Variants in CKAP5 observed in about 807,000 individuals in gnomAD.
CKAP5 encodes the protein cytoskeleton associated protein 5, also known as cytoskeleton-associated protein 5.
CKAP5 carries 27 observed loss-of-function variants against 232.8 expected under a neutral mutation model. The observed-to-expected ratio is 0.12, with a 90% CI of 0.09 to 0.16. The LOEUF (loss-of-function observed/expected upper bound fraction) is 0.16, where lower values mean the gene tolerates loss of function less well. CKAP5 is among the 10% of genes least tolerant of loss of function. The pLI is 1.00. For missense variants in CKAP5, 1,838 were observed against 2,424.7 expected, an observed-to-expected ratio of 0.76 and a Z score of 5.08; for synonymous variants, 785 against 841.1, an observed-to-expected ratio of 0.93 and a Z score of 1.16.
intron 34 of CKAP5, 35 bp downstream of exon 34, chr11:46,759,234 A>T: frequency 6.3e-7 from 1 of 1,593,954 alleles, no homozygotes; most frequent in Non-Finnish European, 8.6e-7. Context: ...GATCATCATG[A>T]ACTGCTCATA....
In CKAP5 at chr11:46,780,292, G is replaced by C. The variant is rs1450817760; in HGVS notation, c.2335C>G (p.Leu779Val). 6.2e-7 allele frequency: 1 copy of C among 1,614,048 alleles called. No homozygotes were observed. Among genetic ancestry groups the C allele is most frequent in the Non-Finnish European group, 8.5e-7 (1 of 1,179,956 alleles). The change falls in exon 20 of 44, where the codon CTT becomes GTT. Residue 779 changes from leucine to valine, a missense_variant. Coordinates refer to ENST00000529230, the MANE Select transcript of CKAP5 (RefSeq NM_001008938.4). Reference protein sequence around the residue: ...PAVRTAAITLLGVMYLYVGPS... With the variant: ...PAVRTAAITLVGVMYLYVGPS... ...CCAACATACAGATACATCACGCCAA[G>C]CAGGGTTATGGCAGCAGTCCTCACA...
At chr11:46,842,735 A>AG (rs1940084961) in intron 1 of CKAP5, among the ~76,000 whole-genome samples, 1 of 152,114 alleles carries the variant, frequency 6.6e-6, no homozygotes, top group East Asian at 1.9e-4. Flanking sequence ...TGGGAGGCCG[A>AG]GGCGGGCGGA....
intron 24 of CKAP5, among the ~76,000 whole-genome samples, chr11:46,775,703 T>A (rs569992926): frequency 6.6e-6 from 1 of 152,230 alleles, no homozygotes; most frequent in East Asian, 1.9e-4. Context: ...ACCGTCATTC[T>A]CAGCAAACTA....
intron 4 of CKAP5, among the ~76,000 whole-genome samples, chr11:46,811,533 A>C (rs1939274938): frequency 6.6e-6 from 1 of 152,058 alleles, no homozygotes; most frequent in South Asian, 2.1e-4. Context: ...CTAGAGTGGT[A>C]TGGCATGATT....
At chr11:46,838,490 C>T (rs1158922547) in intron 1 of CKAP5, among the ~76,000 whole-genome samples, 1 of 151,528 alleles carries the variant, frequency 6.6e-6, no homozygotes, top group African/African-American at 2.4e-5. Context: ...AAAAAAATGA[C>T]AGCCAGACAC....
chr11:46,774,302 A>G (rs759887005), intron 24 of CKAP5, among the ~76,000 whole-genome samples: 2 of 152,046 alleles, frequency 1.3e-5, no homozygotes, highest in Non-Finnish European at 2.9e-5. Flanking sequence ...ATACCTAGGA[A>G]TACCTCTTCA....
intron 42 of CKAP5, among the ~76,000 whole-genome samples, chr11:46,747,331 G>A (rs1200336279): frequency 1.3e-5 from 2 of 152,104 alleles, no homozygotes; most frequent in Non-Finnish European, 2.9e-5. Flanking sequence ...TACTGGCCAG[G>A]CACAGTGGCT....
intron 1 of CKAP5, among the ~76,000 whole-genome samples, chr11:46,824,183 A>T (rs972596980): frequency 6.6e-6 from 1 of 152,214 alleles, no homozygotes; most frequent in African/African-American, 2.4e-5. Context: ...GGCAAAGAAG[A>T]AAATGTCCCA....
chr11:46,759,840 A>G (rs1786415862), intron 33 of CKAP5, among the ~76,000 whole-genome samples: 1 of 152,186 alleles, frequency 6.6e-6, no homozygotes, highest in South Asian at 2.1e-4. Context: ...CACCAAATTA[A>G]CCAGTGCTTT....
At position 46,831,275 on chromosome 11, in the gene CKAP5, C is replaced by T. The variant is rs760459989; in HGVS notation, c.-37-10007G>A. Among the ~76,000 whole-genome samples, 57 of 151,872 alleles carry T rather than the reference C, an allele frequency of 3.8e-4. 1 individual carries two copies. The highest frequency in any genetic ancestry group is 6.8e-3 in the Middle Eastern group (2 of 294). ...ATTTACTTTTTCTTTATTTAACTCC[C>T]GCTTAGATGATAAATAATGCTTTTA... On this transcript the variant is annotated intron_variant, in intron 1 of 43. Coordinates refer to ENST00000529230, the MANE Select transcript of CKAP5 (RefSeq NM_001008938.4).
At chr11:46,834,593 C>G (rs1040084148) in intron 1 of CKAP5, among the ~76,000 whole-genome samples, 1 of 151,442 alleles carries the variant, frequency 6.6e-6, no homozygotes, top group Non-Finnish European at 1.5e-5. Context: ...GGCAAGTCCT[C>G]TCTGGTCTAA....
intron 1 of CKAP5, among the ~76,000 whole-genome samples, chr11:46,843,601 C>T (rs1940110913): frequency 6.6e-6 from 1 of 151,724 alleles, no homozygotes. Flanking sequence ...CATGGTGATG[C>T]ACGTCTGTAG....
intron 1 of CKAP5, among the ~76,000 whole-genome samples, chr11:46,838,935 T>C (rs1939982761): frequency 6.6e-6 from 1 of 152,070 alleles, no homozygotes; most frequent in Non-Finnish European, 1.5e-5. Flanking sequence ...CACTTTTTTG[T>C]TCAGAGAAGA....
rs1333257468 is a variant in CKAP5 at position 46,822,744 on chromosome 11, A to ACC, written c.-37-1477_-37-1476insGG. Among the ~76,000 whole-genome samples the ACC allele has an allele frequency of 8.0e-3, 303 of 37,788 alleles. 2 individuals carry two copies. The highest frequency in any genetic ancestry group is 0.013 in the African/African-American group (282 of 21,310). 24.8% of individuals were successfully genotyped at this position (37,788 alleles called of 152,430 possible). A position where few individuals can be genotyped will look rare whatever the true frequency, so the allele number is the denominator to read the frequency against. ...GCCTGGGCAACAGACTCCGTCCCAAAAAAAAAAAAAAAAAAAAAAAGAAAG... is the reference window on the plus strand; with the variant it reads ...GCCTGGGCAACAGACTCCGTCCCAAACCAAAAAAAAAAAAAAAAAAAAGAAAG... On this transcript the variant is annotated intron_variant, in intron 1 of 43. Transcript: ENST00000529230.
intron 1 of CKAP5, among the ~76,000 whole-genome samples, chr11:46,824,726 A>C (rs1939613463): frequency 6.6e-6 from 1 of 152,250 alleles, no homozygotes; most frequent in Admixed American, 6.5e-5. Flanking sequence ...TTTCTCAAAA[A>C]GTTAAAAGTA....
intron 4 of CKAP5, among the ~76,000 whole-genome samples, chr11:46,815,488 G>GGTCTTGCC (rs1939377628): frequency 6.6e-6 from 1 of 151,846 alleles, no homozygotes; most frequent in Admixed American, 6.6e-5. Flanking sequence ...TAGTGGCAGG[G>GGTCTTGCC]GTCTTGCCAT....
At chr11:46,842,880 T>G (rs995149820) in intron 1 of CKAP5, among the ~76,000 whole-genome samples, 1 of 138,376 alleles carries the variant, frequency 7.2e-6, no homozygotes, top group Non-Finnish European at 1.5e-5. Flanking sequence ...GGCAGGAGAA[T>G]GGCGTGAACC....
At chr11:46,821,018 A>G in intron 2 of CKAP5, 157 bp downstream of exon 2, 1 of 571,812 alleles carries the variant, frequency 1.7e-6, no homozygotes, top group Non-Finnish European at 3.0e-6. Context: ...GTTGAGCTAC[A>G]GAAACCTATT....
chr11:46,785,449 G>C (rs6485693), intron 16 of CKAP5, among the ~76,000 whole-genome samples: 152,171 of 152,268 alleles, frequency 1, 76,037 homozygotes, highest in Middle Eastern at 1. Context: ...CCTCAGCCTC[G>C]CAAGTAGCTG....
Sources: allele counts gnomAD v4.1 joint callset (sites outside exome capture counted in the v4.1 genomes callset), GRCh38; gene constraint gnomAD v4.1.1; transcripts MANE v1.5; gene names NCBI Gene and HGNC (gene_info 2026-07-23, HGNC 2026-07-21).